Variants in GRIK2 observed in about 807,000 individuals in gnomAD.
GRIK2 encodes glutamate receptor ionotropic, kainate 2.
A neutral mutation model predicts 100.3 loss-of-function variants in GRIK2; 32 were observed. The observed-to-expected ratio is 0.32, with a 90% CI of 0.24 to 0.43. The LOEUF (loss-of-function observed/expected upper bound fraction) is 0.43. Ranked by LOEUF, GRIK2 falls within the 20% of genes least tolerant of loss-of-function variation. The probability of loss-of-function intolerance (pLI) is 1.00; values close to 1 mark genes in which losing one functional copy is unlikely to be tolerated. For missense variants in GRIK2, 843 were observed against 1,114.9 expected (o/e 0.76, Z 3.47); for synonymous variants, 417 against 389.4 (o/e 1.07, Z -0.83).
At chr6:101,756,022 A>G (rs1451291718) in intron 7 of GRIK2, among the ~76,000 whole-genome samples, 3 of 152,130 alleles carry the variant, frequency 2.0e-5, no homozygotes, top group Non-Finnish European at 4.4e-5. Flanking sequence ...GAAAGGTTTT[A>G]TACTAGAGGA....
At chr6:101,613,504 G>GA (rs1385106400) in intron 2 of GRIK2, among the ~76,000 whole-genome samples, 1 of 151,678 alleles carries the variant, frequency 6.6e-6, no homozygotes, top group Non-Finnish European at 1.5e-5. Context: ...GTTTTAATTA[G>GA]AAAATTAGAC....
At chr6:101,991,002 A>G (rs970436979) in intron 14 of GRIK2, among the ~76,000 whole-genome samples, 1 of 151,922 alleles carries the variant, frequency 6.6e-6, no homozygotes, top group Non-Finnish European at 1.5e-5. Context: ...TCATGGAAAG[A>G]TTCTATAGAT....
chr6:101,660,909 T>A (rs1446590227), intron 4 of GRIK2, among the ~76,000 whole-genome samples: 1 of 152,116 alleles, frequency 6.6e-6, no homozygotes, highest in African/African-American at 2.4e-5. Flanking sequence ...GAGGTGTCTG[T>A]TGACCGCTGC....
intron 2 of GRIK2, among the ~76,000 whole-genome samples, chr6:101,532,053 CAA>C (rs1048618846): frequency 1.5e-4 from 23 of 151,848 alleles, no homozygotes; most frequent in Non-Finnish European, 2.9e-4. Context: ...ACAAATGCTG[CAA>C]AGACTCTCAA....
chr6:101,738,862 A>T (rs1775847761), intron 7 of GRIK2, among the ~76,000 whole-genome samples: 1 of 152,198 alleles, frequency 6.6e-6, no homozygotes, highest in Non-Finnish European at 1.5e-5. Context: ...CAATAAAGAA[A>T]AATAACATAA....
chr6:101,621,027 T>A (rs1466551937), intron 2 of GRIK2, among the ~76,000 whole-genome samples: 7 of 152,204 alleles, frequency 4.6e-5, no homozygotes, highest in African/African-American at 1.7e-4. Flanking sequence ...TTAAAGGAGT[T>A]GCATTGTTTT....
intron 7 of GRIK2, among the ~76,000 whole-genome samples, chr6:101,692,071 A>G (rs1024649802): frequency 1.3e-5 from 2 of 149,016 alleles, no homozygotes; most frequent in South Asian, 2.1e-4. Flanking sequence ...AAAAAAAGCA[A>G]TGGAAATAGA....
intron 14 of GRIK2, among the ~76,000 whole-genome samples, chr6:101,957,415 A>T (rs1210436567): frequency 6.6e-6 from 1 of 151,642 alleles, no homozygotes. Flanking sequence ...CATAGTTTTC[A>T]AACATTTTCT....
chr6:101,474,757 ACGC>A (rs1772141080), intron 2 of GRIK2, among the ~76,000 whole-genome samples: 2 of 151,750 alleles, frequency 1.3e-5, no homozygotes, highest in Non-Finnish European at 3.0e-5. Flanking sequence ...TTTGTTAGCT[ACGC>A]AAGTCATAGC....
intron 14 of GRIK2, among the ~76,000 whole-genome samples, chr6:101,998,478 C>T (rs1794760899): frequency 6.6e-6 from 1 of 151,912 alleles, no homozygotes; most frequent in African/African-American, 2.4e-5. Flanking sequence ...TTAATGAAAC[C>T]TGATTTATGT....
At chr6:102,023,985 A>G (rs972560132) in intron 14 of GRIK2, among the ~76,000 whole-genome samples, 1 of 151,330 alleles carries the variant, frequency 6.6e-6, no homozygotes, top group East Asian at 2.0e-4. Flanking sequence ...TATTACCGGT[A>G]AAGAAACTGA....
intron 11 of GRIK2, among the ~76,000 whole-genome samples, chr6:101,882,044 T>C (rs1786286510): frequency 6.6e-6 from 1 of 151,874 alleles, no homozygotes; most frequent in Non-Finnish European, 1.5e-5. Flanking sequence ...CAAGAGAGAA[T>C]GAGAGCCAAG....
At chr6:101,833,079 T>C (rs1414940871) in intron 10 of GRIK2, among the ~76,000 whole-genome samples, 1 of 152,116 alleles carries the variant, frequency 6.6e-6, no homozygotes, top group Non-Finnish European at 1.5e-5. Context: ...TATAGAAAAA[T>C]ATCTTATTTT....
At chr6:101,529,772 A>C (rs9404115) in intron 2 of GRIK2, among the ~76,000 whole-genome samples, 8 of 151,986 alleles carry the variant, frequency 5.3e-5, no homozygotes, top group Non-Finnish European at 7.4e-5. Context: ...ACAAAGTCCT[A>C]TGGGAATTCA....
chr6:101,849,194 A>G (rs1783974918), intron 10 of GRIK2, among the ~76,000 whole-genome samples: 1 of 151,968 alleles, frequency 6.6e-6, no homozygotes, highest in African/African-American at 2.4e-5. Context: ...ATTTGGGAAA[A>G]TTCAAGTAAA....
chr6:101,516,053 T>C (rs892895888), intron 2 of GRIK2, among the ~76,000 whole-genome samples: 13 of 152,070 alleles, frequency 8.5e-5, no homozygotes, highest in African/African-American at 2.9e-4. Context: ...GTTTCAAGTC[T>C]TAGGTTTAAG....
chr6:101,740,134 C>A (rs903011095), intron 7 of GRIK2, among the ~76,000 whole-genome samples: 12 of 152,164 alleles, frequency 7.9e-5, no homozygotes, highest in Admixed American at 5.9e-4. Flanking sequence ...TTCCCAGCAG[C>A]TTTTTGGCAG....
chr6:101,621,950 TG>T lies in GRIK2; in HGVS notation c.119del (p.Gly40ValfsTer22). 1 of 1,594,386 alleles carries T rather than the reference TG, an allele frequency of 6.3e-7. No individual in the cohort carries two copies. Among genetic ancestry groups the T allele is most frequent in the Non-Finnish European group, 8.6e-7 (1 of 1,163,408 alleles). ...GATTTTTCTCTTTCTTTTTGCCAGG[TG>T]GTATTTTTGAATATGTGGAATCTGG... ...QGTTHVLRFG[G>X]IFEYVESGPM... On this transcript the variant is annotated frameshift_variant and splice_region_variant, in exon 3 of 17. Coordinates refer to ENST00000369134, the MANE Select transcript of GRIK2 (RefSeq NM_021956.5). LOFTEE classifies it high-confidence loss of function.
intron 12 of GRIK2, among the ~76,000 whole-genome samples, chr6:101,920,034 GATAA>G (rs1789386508): frequency 6.6e-6 from 1 of 151,728 alleles, no homozygotes; most frequent in Non-Finnish European, 1.5e-5. Context: ...GAGATGCAAA[GATAA>G]ATAAAGAACT....
Sources: gnomAD v4.1 joint callset for allele counts (sites outside exome capture counted in the v4.1 genomes callset) on GRCh38, gnomAD v4.1.1 for gene constraint, MANE v1.5 for transcripts, NCBI Gene and HGNC (gene_info 2026-07-23, HGNC 2026-07-21) for gene names.